SETBP1: variants seen among roughly 807,000 people sequenced by gnomAD.
SETBP1 encodes SET-binding protein.
Under a neutral mutation model 101.0 loss-of-function variants are expected in SETBP1, and 9 were observed. The ratio of observed to expected loss-of-function variants is 0.09; its 90% confidence interval spans 0.05 to 0.16. The LOEUF (loss-of-function observed/expected upper bound fraction) is 0.16. SETBP1 is among the 10% of genes least tolerant of loss of function. The pLI is 1.00. For missense variants in SETBP1, 1,858 were observed against 2,033.8 expected, an observed-to-expected ratio of 0.91 and a Z score of 1.66; for synonymous variants, 818 against 788.5, an observed-to-expected ratio of 1.04 and a Z score of -0.63.
chr18:44,753,503 CAAATAATAG>C (rs2070431393), intron 2 of SETBP1, among the ~76,000 whole-genome samples: 2 of 152,216 alleles, frequency 1.3e-5, no homozygotes, highest in Admixed American at 6.5e-5. Flanking sequence ...GCTACCTAAA[CAAATAATAG>C]AAATACACCA....
At chr18:44,809,060 C>T (rs572195138) in intron 2 of SETBP1, among the ~76,000 whole-genome samples, 12 of 152,280 alleles carry the variant, frequency 7.9e-5, no homozygotes, top group Admixed American at 1.3e-4. Flanking sequence ...GTGCCTTTTT[C>T]TATTCAACTA....
At chr18:44,837,632 G>T (rs1327965923) in intron 2 of SETBP1, among the ~76,000 whole-genome samples, 1 of 152,154 alleles carries the variant, frequency 6.6e-6, no homozygotes, top group Non-Finnish European at 1.5e-5. Context: ...TTTTGCCTCA[G>T]CCTAAGAGGC....
rs562211104 is a variant in SETBP1 at position 44,791,399 on chromosome 18, A to C, written c.487-77831A>C. Among the ~76,000 whole-genome samples, 6 of 152,280 alleles carry C rather than the reference A, an allele frequency of 3.9e-5. No homozygotes were observed. The South Asian group carries it at 1.2e-3, about 32-fold the overall frequency. On this transcript the variant is annotated intron_variant, in intron 2 of 5. Transcript: ENST00000649279. ...AAATTCTCTTACTGTAATGTTTCTT[A>C]CTCCAACACAAAACACATACACACA...
intron 3 of SETBP1, among the ~76,000 whole-genome samples, chr18:44,914,362 A>G (rs1332447806): frequency 1.3e-5 from 2 of 152,212 alleles, no homozygotes; most frequent in Non-Finnish European, 2.9e-5. Flanking sequence ...GCAACACAGA[A>G]CGTACTTGAG....
chr18:44,798,470 G>A (rs2071529722), intron 2 of SETBP1, among the ~76,000 whole-genome samples: 1 of 152,132 alleles, frequency 6.6e-6, no homozygotes, highest in Non-Finnish European at 1.5e-5. Flanking sequence ...AGTGAAGGTG[G>A]ACTTAACTTG....
At chr18:44,694,942 T>C (rs1257266855) in intron 1 of SETBP1, among the ~76,000 whole-genome samples, 1 of 152,102 alleles carries the variant, frequency 6.6e-6, no homozygotes, top group Non-Finnish European at 1.5e-5. Context: ...GGACGGAGCA[T>C]GCTGATGAAA....
At chr18:44,999,732 T>C (rs1174656493) in intron 4 of SETBP1, among the ~76,000 whole-genome samples, 1 of 152,196 alleles carries the variant, frequency 6.6e-6, no homozygotes. Flanking sequence ...TCATACCAGT[T>C]GATTCAATTT....
chr18:44,825,881 C>T (rs961836703), intron 2 of SETBP1, among the ~76,000 whole-genome samples: 1 of 152,134 alleles, frequency 6.6e-6, no homozygotes, highest in African/African-American at 2.4e-5. Context: ...GAGTTCAGTT[C>T]CCAACACTGT....
intron 2 of SETBP1, among the ~76,000 whole-genome samples, chr18:44,848,377 C>T (rs1003042883): frequency 6.6e-6 from 1 of 152,082 alleles, no homozygotes; most frequent in African/African-American, 2.4e-5. Context: ...GGGTCTGTGC[C>T]CTCCTATGGA....
At chr18:44,790,556 C>T (rs749056253) in intron 2 of SETBP1, among the ~76,000 whole-genome samples, 11 of 152,196 alleles carry the variant, frequency 7.2e-5, no homozygotes, top group Non-Finnish European at 1.5e-4. Flanking sequence ...AGCCTTATCC[C>T]CAGAAAATGT....
intron 3 of SETBP1, among the ~76,000 whole-genome samples, chr18:44,907,281 T>A (rs933398054): frequency 5.9e-5 from 9 of 152,230 alleles, no homozygotes; most frequent in Non-Finnish European, 1.5e-5. Context: ...TTGGTTCTAC[T>A]TTTTGGTTAT....
At chr18:44,782,527 G>T (rs1177423383) in intron 2 of SETBP1, among the ~76,000 whole-genome samples, 1 of 152,150 alleles carries the variant, frequency 6.6e-6, no homozygotes, top group Non-Finnish European at 1.5e-5. Flanking sequence ...CTCCAGCAAG[G>T]AAAGTTTCCT....
At chr18:44,891,203 G>C (rs1221836386) in intron 3 of SETBP1, among the ~76,000 whole-genome samples, 1 of 151,988 alleles carries the variant, frequency 6.6e-6, no homozygotes, top group African/African-American at 2.4e-5. Flanking sequence ...CATGAGAAAG[G>C]CCTGCCTCCA....
intron 2 of SETBP1, among the ~76,000 whole-genome samples, chr18:44,735,345 A>C (rs1204041810): frequency 6.6e-6 from 1 of 152,236 alleles, no homozygotes; most frequent in African/African-American, 2.4e-5. Context: ...TCCTGGGCTC[A>C]GCTGTTTCTT....
At chr18:45,049,831 C>G (rs1462989073) in intron 5 of SETBP1, among the ~76,000 whole-genome samples, 1 of 152,038 alleles carries the variant, frequency 6.6e-6, no homozygotes, top group Non-Finnish European at 1.5e-5. Context: ...TGGAAAAGGC[C>G]TTCGAGATGG....
At chr18:44,734,670 C>A (rs1406948193) in intron 2 of SETBP1, among the ~76,000 whole-genome samples, 1 of 152,116 alleles carries the variant, frequency 6.6e-6, no homozygotes, top group Non-Finnish European at 1.5e-5. Context: ...AATCCCCTTC[C>A]TTCCTGGTGT....
At chr18:44,922,903 A>G (rs948611717) in intron 3 of SETBP1, among the ~76,000 whole-genome samples, 1 of 152,214 alleles carries the variant, frequency 6.6e-6, no homozygotes, top group Non-Finnish European at 1.5e-5. Flanking sequence ...AGACCACTGT[A>G]TCCTCCAAGG....
intron 2 of SETBP1, among the ~76,000 whole-genome samples, chr18:44,726,782 T>C (rs916808001): frequency 6.6e-6 from 1 of 152,184 alleles, no homozygotes; most frequent in African/African-American, 2.4e-5. Flanking sequence ...GTGTGCTTCG[T>C]TACATAATTT....
intron 4 of SETBP1, among the ~76,000 whole-genome samples, chr18:45,006,705 C>G (rs1420323266): frequency 1.3e-5 from 2 of 152,158 alleles, no homozygotes; most frequent in East Asian, 3.9e-4. Flanking sequence ...CCCTAAAGAC[C>G]TCATTTTACT....
Sources: gnomAD v4.1 joint callset for allele counts (sites outside exome capture counted in the v4.1 genomes callset) on GRCh38, gnomAD v4.1.1 for gene constraint, MANE v1.5 for transcripts, NCBI Gene and HGNC (gene_info 2026-07-23, HGNC 2026-07-21) for gene names.